Variants in DAB1 observed in about 807,000 individuals in gnomAD.
DAB1 encodes DAB adaptor protein 1, also known as disabled homolog 1.
A neutral mutation model predicts 64.6 loss-of-function variants in DAB1; 15 were observed. The observed-to-expected ratio is 0.23, with a 90% CI of 0.16 to 0.36. DAB1 has a LOEUF of 0.36. Ranked by LOEUF, DAB1 falls within the 10% of genes least tolerant of loss-of-function variation. The pLI, the probability that DAB1 is intolerant of heterozygous loss-of-function variation, is 1.00. For synonymous variants in DAB1, 235 were observed against 251.9 expected (o/e 0.93, Z 0.64); for missense variants, 596 against 706.7 (o/e 0.84, Z 1.78).
At chr1:57,929,012 C>T (rs1936412) in intron 5 of DAB1, among the ~76,000 whole-genome samples, 54,666 of 152,064 alleles carry the variant, frequency 0.36, 10,603 homozygotes, top group Admixed American at 0.46. Context: ...AAAAAAACTG[C>T]CAAGCGGGCT....
chr1:57,083,110 C>T (rs540027682), intron 4 of DAB1, among the ~76,000 whole-genome samples: 125 of 152,118 alleles, frequency 8.2e-4, no homozygotes, highest in Non-Finnish European at 1.5e-3. Context: ...CATTGTGCTA[C>T]GTACTCTACG....
chr1:57,030,869 G>C (rs546421687), intron 9 of DAB1, among the ~76,000 whole-genome samples: 1 of 152,206 alleles, frequency 6.6e-6, no homozygotes, highest in Non-Finnish European at 1.5e-5. Context: ...AAGCTTCTGG[G>C]CTTCTTTGAG....
intron 4 of DAB1, among the ~76,000 whole-genome samples, chr1:58,293,347 C>A (rs1303923854): frequency 2.0e-5 from 3 of 152,156 alleles, no homozygotes; most frequent in Admixed American, 2.0e-4. Flanking sequence ...CCCCTGTATT[C>A]CCATGTATTG....
intron 7 of DAB1, among the ~76,000 whole-genome samples, chr1:57,545,872 A>C (rs1302584651): frequency 1.3e-5 from 2 of 152,184 alleles, no homozygotes; most frequent in Non-Finnish European, 2.9e-5. Context: ...ATGCTCAATA[A>C]ATTTTTATTG....
intron 5 of DAB1, among the ~76,000 whole-genome samples, chr1:57,967,413 T>C (rs1645693833): frequency 2.6e-5 from 4 of 152,156 alleles, no homozygotes; most frequent in African/African-American, 9.7e-5. Context: ...GTGATGAACA[T>C]CATCATAATA....
chr1:57,636,466 G>C (rs1180347855), intron 7 of DAB1, among the ~76,000 whole-genome samples: 4 of 152,232 alleles, frequency 2.6e-5, no homozygotes, highest in Admixed American at 2.0e-4. Flanking sequence ...GGATACTCTT[G>C]TGTGTAAAAT....
chr1:57,521,851 T>A (rs1644530893), intron 7 of DAB1, among the ~76,000 whole-genome samples: 1 of 152,160 alleles, frequency 6.6e-6, no homozygotes, highest in African/African-American at 2.4e-5. Flanking sequence ...GGCTCATGCC[T>A]GTAATCCCAG....
intron 4 of DAB1, among the ~76,000 whole-genome samples, chr1:58,256,966 G>T (rs900859310): frequency 1.3e-5 from 2 of 152,132 alleles, no homozygotes; most frequent in African/African-American, 4.8e-5. Context: ...ACTATAATTT[G>T]AAATTTTTAT....
intron 1 of DAB1, among the ~76,000 whole-genome samples, chr1:57,831,909 T>C (rs1652606511): frequency 6.6e-6 from 1 of 152,194 alleles, no homozygotes; most frequent in Non-Finnish European, 1.5e-5. Flanking sequence ...CAAGAGACTA[T>C]GCTTTGTTCT....
rs142672033 is a variant in DAB1, at chr1:57,281,838, A to C, written c.67+9126T>G. ...AAGAAGGAATGAATGGATTTGAAAG[A>C]TATGTAGAAGCTCACATGAATTGAT... On this transcript the variant is annotated intron_variant, in intron 2 of 14. Coordinates refer to ENST00000371236, the MANE Select transcript of DAB1 (RefSeq NM_001365792.1). 4.8e-3 allele frequency among the ~76,000 whole-genome samples: 738 copies of C among 152,196 alleles called. 15 individuals are homozygous for C. Among genetic ancestry groups the C allele is most frequent in the East Asian group, 0.024 (126 of 5,168 alleles).
At chr1:57,085,539 G>A (rs1467813688) in intron 4 of DAB1, among the ~76,000 whole-genome samples, 1 of 152,228 alleles carries the variant, frequency 6.6e-6, no homozygotes, top group African/African-American at 2.4e-5. Context: ...GCAAAGCACT[G>A]GCAAGGCCCT....
At chr1:57,175,087 C>T (rs940078680) in intron 2 of DAB1, among the ~76,000 whole-genome samples, 6 of 152,118 alleles carry the variant, frequency 3.9e-5, no homozygotes, top group African/African-American at 1.4e-4. Context: ...AAGATCCTTA[C>T]TCCACTTTAA....
intron 1 of DAB1, among the ~76,000 whole-genome samples, chr1:57,863,625 G>A (rs1654166692): frequency 6.6e-6 from 1 of 152,100 alleles, no homozygotes; most frequent in Non-Finnish European, 1.5e-5. Context: ...ACTGAGGCCA[G>A]GGCCCACCAC....
At chr1:57,658,121 T>C (rs1355333976) in intron 6 of DAB1, among the ~76,000 whole-genome samples, 1 of 152,122 alleles carries the variant, frequency 6.6e-6, no homozygotes, top group East Asian at 1.9e-4. Context: ...AGAACACACA[T>C]GGGGCCACCT....
intron 3 of DAB1, among the ~76,000 whole-genome samples, chr1:58,438,857 C>T (rs1644974268): frequency 6.6e-6 from 1 of 152,192 alleles, no homozygotes; most frequent in African/African-American, 2.4e-5. Flanking sequence ...CTGCTTCTGT[C>T]GCTTTCACCT....
rs944978492 is a variant in DAB1 at position 57,279,171 on chromosome 1, T to G, written c.67+11793A>C. Among the ~76,000 whole-genome samples the G allele has an allele frequency of 4.6e-5, 7 of 152,312 alleles. No individual in the cohort carries two copies. In the East Asian group the frequency reaches 1.4e-3, roughly 29 times the overall value. On this transcript the variant is annotated intron_variant, in intron 2 of 14. Transcript: ENST00000371236. ...TTTTCCTTTAATATAACATTATATCTTCCATATCCATGGGGATTAGCTCCA... is the reference window on the plus strand; with the variant it reads ...TTTTCCTTTAATATAACATTATATCGTCCATATCCATGGGGATTAGCTCCA...
At chr1:58,362,852 C>A (rs1644180914) in intron 3 of DAB1, among the ~76,000 whole-genome samples, 1 of 152,230 alleles carries the variant, frequency 6.6e-6, no homozygotes, top group Non-Finnish European at 1.5e-5. Context: ...ACTACAATGT[C>A]TTAGCCAGCT....
At chr1:57,035,921 C>T (rs988721094) in intron 9 of DAB1, among the ~76,000 whole-genome samples, 3 of 135,190 alleles carry the variant, frequency 2.2e-5, no homozygotes, top group African/African-American at 8.4e-5. Flanking sequence ...TGGCTCACTG[C>T]AACCGTTGCC....
intron 4 of DAB1, among the ~76,000 whole-genome samples, chr1:57,102,051 T>C (rs1319770433): frequency 1.3e-5 from 2 of 152,142 alleles, no homozygotes; most frequent in East Asian, 3.9e-4. Context: ...GGGCCCTTGC[T>C]CTCAATGAGC....
Sources: allele counts gnomAD v4.1 joint callset (sites outside exome capture counted in the v4.1 genomes callset), GRCh38; gene constraint gnomAD v4.1.1; transcripts MANE v1.5; gene names NCBI Gene and HGNC (gene_info 2026-07-23, HGNC 2026-07-21).